Variants in AGMO observed in about 807,000 individuals in gnomAD.
The protein encoded by AGMO is alkylglycerol monooxygenase, also known as glyceryl-ether monooxygenase.
AGMO carries 75 observed loss-of-function variants against 60.2 expected under a neutral mutation model. That is an observed-to-expected ratio of 1.25 (90% CI 1.03 to 1.51). AGMO has a LOEUF of 1.51. AGMO is among the 40% of genes most tolerant of loss of function. The pLI, the probability that AGMO is intolerant of heterozygous loss-of-function variation, is 0.00. For synonymous variants in AGMO, 261 were observed against 177.1 expected, an observed-to-expected ratio of 1.47 and a Z score of -3.76; for missense variants, 763 against 525.5, an observed-to-expected ratio of 1.45 and a Z score of -4.42.
At chr7:15,474,747 A>C (rs1045893240) in intron 3 of AGMO, among the ~76,000 whole-genome samples, 1 of 152,176 alleles carries the variant, frequency 6.6e-6, no homozygotes, top group Non-Finnish European at 1.5e-5. Context: ...AACTGTCATC[A>C]GAGTGAACAG....
At chr7:15,376,595 T>G (rs1422112898) in intron 10 of AGMO, among the ~76,000 whole-genome samples, 1 of 152,152 alleles carries the variant, frequency 6.6e-6, no homozygotes, top group Non-Finnish European at 1.5e-5. Context: ...TGCAGTAACT[T>G]TATTACATAT....
chr7:15,143,625 A>ATTC, the AGMO span, among the ~76,000 whole-genome samples: 1 of 151,910 alleles, frequency 6.6e-6, no homozygotes, highest in African/African-American at 2.4e-5. Flanking sequence ...ACATATTTCC[A>ATTC]TTCAGTGAAA....
At chr7:15,297,042 C>CATCT (rs1284651449) in intron 12 of AGMO, among the ~76,000 whole-genome samples, 6 of 148,524 alleles carry the variant, frequency 4.0e-5, no homozygotes, top group Admixed American at 2.7e-4. Context: ...ACCACCTAGC[C>CATCT]ATCTCTCTCT....
At chr7:15,285,097 A>G (rs1784065787) in intron 12 of AGMO, among the ~76,000 whole-genome samples, 1 of 151,916 alleles carries the variant, frequency 6.6e-6, no homozygotes, top group Non-Finnish European at 1.5e-5. Flanking sequence ...TAAAAGCCAT[A>G]TATGATGGAT....
intron 12 of AGMO, among the ~76,000 whole-genome samples, chr7:15,346,617 TAAAA>T (rs11417689): frequency 6.9e-6 from 1 of 145,770 alleles, no homozygotes; most frequent in Admixed American, 6.8e-5. Flanking sequence ...TCTTAAAAAG[TAAAA>T]AAAAAAAATA....
chr7:15,299,450 A>C (rs1784495899), intron 12 of AGMO, among the ~76,000 whole-genome samples: 3 of 152,114 alleles, frequency 2.0e-5, no homozygotes, highest in Admixed American at 2.0e-4. Context: ...CTCAGCACCT[A>C]ATCTATGAGT....
chr7:15,285,544 TA>T (rs1369962241), intron 12 of AGMO, among the ~76,000 whole-genome samples: 9 of 152,028 alleles, frequency 5.9e-5, no homozygotes, highest in Non-Finnish European at 8.8e-5. Context: ...CAAGGAGAGC[TA>T]AAAGAAACTG....
intron 12 of AGMO, among the ~76,000 whole-genome samples, chr7:15,238,309 T>C (rs1782487695): frequency 1.3e-5 from 2 of 151,912 alleles, no homozygotes; most frequent in Admixed American, 6.6e-5. Context: ...CATACAAAAA[T>C]ACAGTTAAAC....
chr7:15,298,950 A>G (rs73062580), intron 12 of AGMO, among the ~76,000 whole-genome samples: 15,375 of 151,984 alleles, frequency 0.1, 929 homozygotes, highest in Middle Eastern at 0.12. Flanking sequence ...TCCCCGTGAT[A>G]TTTCACACCT....
At chr7:15,270,449 T>C (rs1020643897) in intron 12 of AGMO, among the ~76,000 whole-genome samples, 1 of 151,992 alleles carries the variant, frequency 6.6e-6, no homozygotes, top group Non-Finnish European at 1.5e-5. Flanking sequence ...TCATGTCCTT[T>C]GCCCAGTTTG....
intron 3 of AGMO, among the ~76,000 whole-genome samples, chr7:15,442,165 T>C (rs1461726093): frequency 6.6e-6 from 1 of 152,238 alleles, no homozygotes; most frequent in Non-Finnish European, 1.5e-5. Flanking sequence ...GTGAATGATG[T>C]CATGCACATT....
At chr7:15,360,042 T>G (rs975280421) in intron 12 of AGMO, among the ~76,000 whole-genome samples, 10 of 152,184 alleles carry the variant, frequency 6.6e-5, no homozygotes, top group Non-Finnish European at 1.5e-4. Flanking sequence ...TACTGAAGCT[T>G]TTGGCGGAGT....
At chr7:15,416,027 C>CTTTTTTTTTT (rs759040945) in intron 5 of AGMO, among the ~76,000 whole-genome samples, 1 of 130,890 alleles carries the variant, frequency 7.6e-6, no homozygotes, top group South Asian at 2.5e-4. Flanking sequence ...TTCTTTTTTT[C>CTTTTTTTTTT]TTTTTTTTTT....
intron 3 of AGMO, among the ~76,000 whole-genome samples, chr7:15,539,351 T>A (rs1472747710): frequency 6.6e-6 from 1 of 152,184 alleles, no homozygotes; most frequent in South Asian, 2.1e-4. Context: ...AGCATCCATG[T>A]GTTCTCGTTG....
chr7:15,425,432 A>C (rs1562500332), intron 4 of AGMO, among the ~76,000 whole-genome samples: 1 of 147,350 alleles, frequency 6.8e-6, no homozygotes. Flanking sequence ...CTTTTTGTTT[A>C]TTTTATTTTT....
chr7:15,369,949 GGTTT>G (rs1453445285), intron 10 of AGMO, among the ~76,000 whole-genome samples: 2 of 152,014 alleles, frequency 1.3e-5, no homozygotes, highest in African/African-American at 4.8e-5. Flanking sequence ...TATATTTGCA[GGTTT>G]GTTACATTAG....
At chr7:15,371,661 G>C (rs181149528) in intron 10 of AGMO, among the ~76,000 whole-genome samples, 3 of 152,224 alleles carry the variant, frequency 2.0e-5, no homozygotes, top group Non-Finnish European at 4.4e-5. Flanking sequence ...GCCTCCTAAA[G>C]TGCTGGGATT....
At chr7:15,271,797 G>T (rs899567144) in intron 12 of AGMO, among the ~76,000 whole-genome samples, 1 of 152,146 alleles carries the variant, frequency 6.6e-6, no homozygotes, top group South Asian at 2.1e-4. Flanking sequence ...GATGTTGGCT[G>T]TGGATATGTC....
At chr7:15,449,405 T>C (rs150665830) in intron 3 of AGMO, among the ~76,000 whole-genome samples, 75 of 152,262 alleles carry the variant, frequency 4.9e-4, no homozygotes, top group African/African-American at 1.8e-3. Flanking sequence ...ATAATGCGTC[T>C]CTGGTAAAGG....
Sources: gnomAD v4.1 joint callset for allele counts (sites outside exome capture counted in the v4.1 genomes callset) on GRCh38, gnomAD v4.1.1 for gene constraint, MANE v1.5 for transcripts, NCBI Gene and HGNC (gene_info 2026-07-23, HGNC 2026-07-21) for gene names.